The following SSU72 variants were observed in gnomAD, a reference collection of about 807,000 sequenced individuals.
SSU72 encodes the protein SSU72 homolog, RNA polymerase II CTD phosphatase.
A neutral mutation model predicts 22.7 loss-of-function variants in SSU72; 12 were observed. The observed-to-expected ratio is 0.53, with a 90% CI of 0.34 to 0.86. The LOEUF is 0.86. SSU72 is among the 40% of genes least tolerant of loss of function. SSU72 has a pLI of 0.02. For missense variants in SSU72, 151 were observed against 249.8 expected (o/e 0.60, Z 2.67); for synonymous variants, 116 against 98.3 (o/e 1.18, Z -1.06).
At chr1:1,559,354 G>A (rs893051375) in intron 2 of SSU72, among the ~76,000 whole-genome samples, 13 of 152,132 alleles carry the variant, frequency 8.5e-5, no homozygotes, top group African/African-American at 2.2e-4. Flanking sequence ...GACGAAAAGC[G>A]TCTCAAAACC....
intron 2 of SSU72, among the ~76,000 whole-genome samples, chr1:1,556,417 G>A (rs772985375): frequency 2.0e-5 from 3 of 152,054 alleles, no homozygotes; most frequent in African/African-American, 4.8e-5. Flanking sequence ...GGGGGCGCCC[G>A]TAATCCCAGC....
intron 1 of SSU72, among the ~76,000 whole-genome samples, chr1:1,568,246 C>T (rs144387017): frequency 2.6e-5 from 4 of 152,198 alleles, no homozygotes; most frequent in Non-Finnish European, 5.9e-5. Context: ...GAAGGGCCAA[C>T]GCCTTTGTAA....
intron 2 of SSU72, among the ~76,000 whole-genome samples, chr1:1,552,717 C>A (rs1444253754): frequency 6.6e-6 from 1 of 152,162 alleles, no homozygotes; most frequent in East Asian, 1.9e-4. Flanking sequence ...AGTAGACTCT[C>A]AGATAACAAA....
rs1478224465 is a variant in SSU72, at chr1:1,554,493, A to C, written c.225-9491T>G. Among the ~76,000 whole-genome samples, 11 of 152,174 alleles carry C rather than the reference A, an allele frequency of 7.2e-5. No homozygotes were observed. The highest frequency in any genetic ancestry group is 1.6e-4 in the Non-Finnish European group (11 of 68,016). Reference sequence around the variant, plus strand: ...CCCCAAGGTGCCAGGACATACCAGGAAACGCCCCAAACACAGCTCGGTTTT... The same window carrying C: ...CCCCAAGGTGCCAGGACATACCAGGCAACGCCCCAAACACAGCTCGGTTTT... On this transcript the variant is annotated intron_variant, in intron 2 of 4. Transcript: ENST00000291386. The surrounding 1 kb of genome is among the most constrained non-coding windows in gnomAD (Gnocchi z 4.1).
rs765036236 is a variant in SSU72, at chr1:1,544,915, C to T, written c.312G>A (p.Leu104=). The T allele has an allele frequency of 3.1e-6, 5 of 1,614,238 alleles. No homozygotes were observed. In the East Asian group the frequency reaches 1.1e-4, roughly 36 times the overall value. ...RPERFQNCKD[L]FDLILTCEER... ...CTTCGCAAGTGAGGATCAGATCAAA[C>T]AGGTCTTTGCAGTTCTGGAATCTTT... The change falls in exon 3 of 5, where the codon CTG becomes CTA. Residue 104 remains leucine (L), a synonymous_variant. Coordinates refer to ENST00000291386, the MANE Select transcript of SSU72 (RefSeq NM_014188.3).
chr1:1,574,326 GC>G (rs1219048902), intron 1 of SSU72, 151 bp downstream of exon 1: 6 of 737,298 alleles, frequency 8.1e-6, no homozygotes, highest in African/African-American at 1.9e-5. Context: ...TACGCGCGCT[GC>G]CGTCCAGCTG....
At chr1:1,544,409 G>C (rs142419647) in intron 3 of SSU72, among the ~76,000 whole-genome samples, 3,388 of 152,218 alleles carry the variant, frequency 0.022, 127 homozygotes, top group African/African-American at 0.077. Flanking sequence ...CTTGAGGACA[G>C]GAGTTCAAGA....
intron 1 of SSU72, among the ~76,000 whole-genome samples, chr1:1,566,944 C>T (rs1642668942): frequency 6.6e-6 from 1 of 152,108 alleles, no homozygotes. Flanking sequence ...GGAGTGTAAC[C>T]AGTCTCTATG....
intron 1 of SSU72, among the ~76,000 whole-genome samples, chr1:1,568,677 C>A (rs1642691586): frequency 6.6e-6 from 1 of 152,108 alleles, no homozygotes; most frequent in Non-Finnish European, 1.5e-5. Context: ...GTAATCCCAA[C>A]ACTTTGGGAG....
chr1:1,574,417 G>A (rs866983712), intron 1 of SSU72, 61 bp downstream of exon 1: 3 of 1,523,830 alleles, frequency 2.0e-6, no homozygotes, highest in Middle Eastern at 1.7e-4. Context: ...GGGGGAACCG[G>A]GGAGGAGGGA....
intron 1 of SSU72, among the ~76,000 whole-genome samples, chr1:1,566,511 A>G (rs1202895257): frequency 6.6e-6 from 1 of 152,192 alleles, no homozygotes; most frequent in Non-Finnish European, 1.5e-5. Flanking sequence ...TTCGCTCTTG[A>G]GCAAGAATGA....
chr1:1,567,169 C>T (rs1379826301), intron 1 of SSU72, among the ~76,000 whole-genome samples: 4 of 152,176 alleles, frequency 2.6e-5, no homozygotes, highest in Non-Finnish European at 4.4e-5. Context: ...CGCGCACCTC[C>T]GAAGATGAGT....
intron 2 of SSU72, among the ~76,000 whole-genome samples, chr1:1,547,402 C>A (rs1477859679): frequency 6.6e-6 from 1 of 152,238 alleles, no homozygotes; most frequent in African/African-American, 2.4e-5. Flanking sequence ...GGAGAAATGT[C>A]TACTTCAGGG....
intron 2 of SSU72, chr1:1,562,527 C>T (rs1174358801): frequency 3.9e-5 from 6 of 152,286 alleles, no homozygotes; most frequent in Non-Finnish European, 2.9e-5. Context: ...AAGACCCAGC[C>T]CTAAACCAGA....
At chr1:1,544,292 G>A (rs1168540657) in intron 3 of SSU72, among the ~76,000 whole-genome samples, 1 of 152,162 alleles carries the variant, frequency 6.6e-6, no homozygotes, top group Non-Finnish European at 1.5e-5. Flanking sequence ...AGCCCTCCCT[G>A]CTCCACCGCC....
chr1:1,563,317 A>G (rs1249578657), intron 2 of SSU72: 1 of 146,948 alleles, frequency 6.8e-6, no homozygotes, highest in East Asian at 2.1e-4. Flanking sequence ...CTGGATCACG[A>G]GGTCAAGAGT....
Position 1,554,041 on chromosome 1 carries a change from C to T in SSU72, c.225-9039G>A, listed in dbSNP as rs971620849. 7.9e-5 allele frequency among the ~76,000 whole-genome samples: 12 copies of T among 152,148 alleles called. No homozygotes were observed. The highest frequency in any genetic ancestry group is 4.6e-4 in the Admixed American group (7 of 15,270). ...AGGTCCGGGGGACGTCAGGTGGCCA[C>T]GGAGACCACGTGTCAGTGGCCAGGG... On this transcript the variant is annotated intron_variant, in intron 2 of 4. Coordinates refer to ENST00000291386, the MANE Select transcript of SSU72 (RefSeq NM_014188.3). This position sits in a 1 kb window ranked among gnomAD's most constrained non-coding sequence, Gnocchi z 4.1.
chr1:1,574,711 C>G lies in SSU72; in HGVS notation c.-154G>C, dbSNP rs1642790150. The G allele has an allele frequency of 1.6e-6, 1 of 613,458 alleles. No homozygotes were observed. The highest frequency in any genetic ancestry group is 2.4e-6 in the Non-Finnish European group (1 of 409,452). 38.0% of individuals were successfully genotyped at this position (613,458 alleles called of 1,614,324 possible). A position where few individuals can be genotyped will look rare whatever the true frequency, so the allele number is the denominator to read the frequency against. ...GCGTGCGGCGACTGCGCGGCGGCCT[C>G]CCCGCCCACCCTGGGCGCCGGGCCG... On this transcript the variant is annotated 5_prime_UTR_variant, in exon 1 of 5. Coordinates refer to ENST00000291386, the MANE Select transcript of SSU72 (RefSeq NM_014188.3).
intron 2 of SSU72, chr1:1,564,387 C>A: frequency 7.9e-7 from 1 of 1,258,808 alleles, no homozygotes; most frequent in Non-Finnish European, 1.1e-6. Flanking sequence ...GTGTATCAGG[C>A]ACGCACGCAC....
Sources: allele counts gnomAD v4.1 joint callset (sites outside exome capture counted in the v4.1 genomes callset), GRCh38; gene constraint gnomAD v4.1.1; non-coding constraint Gnocchi (gnomAD v3.1); transcripts MANE v1.5; gene names NCBI Gene and HGNC (gene_info 2026-07-23, HGNC 2026-07-21).